Variants in SLC4A5 observed in about 807,000 individuals in gnomAD.
SLC4A5 encodes the protein solute carrier family 4 member 5.
SLC4A5 carries 96 observed loss-of-function variants against 120.4 expected under a neutral mutation model. That is an observed-to-expected ratio of 0.80 (90% CI 0.68 to 0.94). The LOEUF (loss-of-function observed/expected upper bound fraction) is 0.94, where lower values mean the gene tolerates loss of function less well. SLC4A5 is among the 40% of genes least tolerant of loss of function. The pLI is 0.00. For missense variants in SLC4A5, 1,259 were observed against 1,459.5 expected, an observed-to-expected ratio of 0.86 and a Z score of 2.24; for synonymous variants, 550 against 571.1, an observed-to-expected ratio of 0.96 and a Z score of 0.53.
At chr2:74,259,676 G>C in intron 11 of SLC4A5, 33 bp from the exon 12 acceptor site, 1 of 1,611,996 alleles carries the variant, frequency 6.2e-7, no homozygotes, top group Non-Finnish European at 8.5e-7. Context: ...TCCATCAGGG[G>C]AAGCCAGGCT....
At chr2:74,274,412 C>T (rs1208676602) in intron 8 of SLC4A5, among the ~76,000 whole-genome samples, 1 of 110,738 alleles carries the variant, frequency 9.0e-6, no homozygotes, top group Non-Finnish European at 1.8e-5. Flanking sequence ...TGAGATAGTA[C>T]AACAAGTTGT....
chr2:74,270,932 C>T (rs1203366634), intron 8 of SLC4A5, among the ~76,000 whole-genome samples: 1 of 152,166 alleles, frequency 6.6e-6, no homozygotes, highest in African/African-American at 2.4e-5. Flanking sequence ...GCTCCAAGAA[C>T]ACTAGCTGAA....
At chr2:74,252,496 T>A in intron 15 of SLC4A5, 108 bp from the exon 16 acceptor site, 3 of 1,350,636 alleles carry the variant, frequency 2.2e-6, no homozygotes, top group Non-Finnish European at 3.0e-6. Context: ...CAGAAAATTG[T>A]CTAACAATAT....
intron 5 of SLC4A5, among the ~76,000 whole-genome samples, chr2:74,317,394 C>T (rs1479235380): frequency 6.6e-6 from 1 of 152,022 alleles, no homozygotes; most frequent in East Asian, 1.9e-4. Flanking sequence ...AAGGATTAGA[C>T]AGCCTCTACA....
intron 20 of SLC4A5, among the ~76,000 whole-genome samples, chr2:74,240,899 C>G (rs896703191): frequency 1.3e-5 from 2 of 152,122 alleles, no homozygotes; most frequent in African/African-American, 4.8e-5. Context: ...TAAAAGCTCA[C>G]AAATGTCCCC....
At chr2:74,238,581 A>G (rs1429327996) in intron 21 of SLC4A5, among the ~76,000 whole-genome samples, 2 of 152,218 alleles carry the variant, frequency 1.3e-5, no homozygotes, top group African/African-American at 4.8e-5. Flanking sequence ...AATATTTGAT[A>G]TATGGCAAAG....
At chr2:74,241,449 C>T (rs1245045688) in intron 20 of SLC4A5, among the ~76,000 whole-genome samples, 1 of 151,308 alleles carries the variant, frequency 6.6e-6, no homozygotes, top group Non-Finnish European at 1.5e-5. Context: ...ATTATTAATA[C>T]ACATGAGGGG....
intron 19 of SLC4A5, among the ~76,000 whole-genome samples, chr2:74,246,201 G>A (rs1201648073): frequency 2.6e-5 from 4 of 152,208 alleles, no homozygotes; most frequent in African/African-American, 9.7e-5. Flanking sequence ...CACAGGAGTG[G>A]CACTGGGTGT....
chr2:74,306,425 T>C (rs1272695590), intron 6 of SLC4A5, among the ~76,000 whole-genome samples: 1 of 152,148 alleles, frequency 6.6e-6, no homozygotes, highest in Non-Finnish European at 1.5e-5. Context: ...TAAATAGTCT[T>C]AGTCTGTAAG....
chr2:74,267,007 C>A (rs1372454258), intron 8 of SLC4A5, among the ~76,000 whole-genome samples: 4 of 152,040 alleles, frequency 2.6e-5, no homozygotes, highest in African/African-American at 9.7e-5. Flanking sequence ...TCAAATTATC[C>A]AATAGAAAGT....
rs148869949 is a variant in SLC4A5, at chr2:74,239,658, C to G, written c.2119-123G>C. The stretch of plus-strand genomic sequence containing the variant: ...CACCCTCTGAGGGACCCCAGCCCCC[C>G]AGAGTGATGTTCCTGGGGACGGGCT... On this transcript the variant is annotated intron_variant, in intron 20 of 30. Coordinates refer to ENST00000394019, the Ensembl canonical transcript of SLC4A5. 1.1e-3 allele frequency: 958 copies of G among 886,404 alleles called. 6 individuals carry two copies. In the African/African-American group the frequency reaches 0.013, roughly 12 times the overall value. 54.9% of individuals were successfully genotyped at this position (886,404 alleles called of 1,614,324 possible).
At chr2:74,273,249 A>G (rs1671533013) in intron 8 of SLC4A5, among the ~76,000 whole-genome samples, 1 of 152,244 alleles carries the variant, frequency 6.6e-6, no homozygotes, top group African/African-American at 2.4e-5. Context: ...TTCTATCTAT[A>G]CTATTTTGAA....
intron 8 of SLC4A5, among the ~76,000 whole-genome samples, chr2:74,280,440 G>C (rs983703843): frequency 6.6e-6 from 1 of 152,200 alleles, no homozygotes; most frequent in Non-Finnish European, 1.5e-5. Flanking sequence ...GGCAGCATCT[G>C]CCATGTTCCA....
intron 7 of SLC4A5, among the ~76,000 whole-genome samples, chr2:74,296,803 A>G (rs1573074358): frequency 6.6e-6 from 1 of 151,160 alleles, no homozygotes; most frequent in South Asian, 2.1e-4. Flanking sequence ...AAAAAAAAAA[A>G]AAAGAAAGCC....
At chr2:74,228,723 A>C (rs1329399545) in intron 25 of SLC4A5, among the ~76,000 whole-genome samples, 7 of 151,672 alleles carry the variant, frequency 4.6e-5, no homozygotes, top group East Asian at 1.9e-4. Flanking sequence ...CATACAAAAG[A>C]AGCAGAACAA....
chr2:74,319,162 C>T (rs947220675), intron 5 of SLC4A5, among the ~76,000 whole-genome samples: 3 of 152,176 alleles, frequency 2.0e-5, no homozygotes, highest in Non-Finnish European at 2.9e-5. Flanking sequence ...GCTAACAATT[C>T]GTACACATGG....
intron 4 of SLC4A5, among the ~76,000 whole-genome samples, chr2:74,331,736 G>A (rs760675560): frequency 2.6e-5 from 4 of 152,048 alleles, no homozygotes; most frequent in African/African-American, 2.4e-5. Flanking sequence ...ACCTTATAAA[G>A]TGGGAACTTC....
chr2:74,248,016 G>A (rs1670670015), intron 18 of SLC4A5, among the ~76,000 whole-genome samples: 1 of 152,144 alleles, frequency 6.6e-6, no homozygotes, highest in South Asian at 2.1e-4. Flanking sequence ...AGTGATGGGA[G>A]CTGCCTGGGT....
chr2:74,326,514 AC>A (rs1259776172), intron 5 of SLC4A5, among the ~76,000 whole-genome samples: 2 of 152,002 alleles, frequency 1.3e-5, no homozygotes, highest in African/African-American at 4.8e-5. Context: ...AGAATCCAAA[AC>A]CCTACTGACA....
Sources: allele counts gnomAD v4.1 joint callset (sites outside exome capture counted in the v4.1 genomes callset), GRCh38; gene constraint gnomAD v4.1.1; transcripts MANE v1.5; gene names NCBI Gene and HGNC (gene_info 2026-07-23, HGNC 2026-07-21).